Variants in CTNNA3 observed in about 807,000 individuals in gnomAD.
The protein encoded by CTNNA3 is catenin alpha-3.
CTNNA3 carries 76 observed loss-of-function variants against 95.7 expected under a neutral mutation model. The ratio of observed to expected loss-of-function variants is 0.79; its 90% CI spans 0.66 to 0.96. The LOEUF is 0.96. Ranked by LOEUF, CTNNA3 falls within the 40% of genes least tolerant of loss-of-function variation. CTNNA3 has a pLI of 0.00. For synonymous variants in CTNNA3, 431 were observed against 374.4 expected (o/e 1.15, Z -1.74); for missense variants, 1,191 against 1,089.8 (o/e 1.09, Z -1.31).
chr10:66,644,284 GTCTGTCTGTCTC>G lies in CTNNA3; in HGVS notation c.1282-22512_1282-22501del, dbSNP rs556801999. 2.8e-4 allele frequency among the ~76,000 whole-genome samples: 27 copies of G among 95,596 alleles called. No homozygotes were observed. The East Asian group carries it at 6.1e-3, about 22-fold the overall frequency. The allele number at this position is 95,596 out of a possible 152,430, so 62.7% of individuals were successfully genotyped here. ...TCTCTGTCTGTCTGTCTGTCTGTCT[GTCTGTCTGTCTC>G]TCTCTCTCTCTATATATATATATAT... On this transcript the variant is annotated intron_variant, in intron 9 of 17. Coordinates refer to ENST00000433211, the MANE Select transcript of CTNNA3 (RefSeq NM_013266.4).
intron 13 of CTNNA3, among the ~76,000 whole-genome samples, chr10:66,210,359 T>C (rs1276672053): frequency 6.6e-6 from 1 of 151,428 alleles, no homozygotes; most frequent in Admixed American, 6.6e-5. Flanking sequence ...CTTTGCTTAC[T>C]CTAAATAATT....
intron 5 of CTNNA3, among the ~76,000 whole-genome samples, chr10:67,226,773 T>C (rs1195922856): frequency 6.6e-6 from 1 of 152,138 alleles, no homozygotes; most frequent in African/African-American, 2.4e-5. Flanking sequence ...ACAGAACCTC[T>C]TTAAAGCAGA....
At chr10:66,998,194 T>C (rs1674954826) in intron 7 of CTNNA3, among the ~76,000 whole-genome samples, 1 of 152,246 alleles carries the variant, frequency 6.6e-6, no homozygotes. Context: ...ACCAGATTTA[T>C]GTCTCATCTA....
chr10:66,645,980 C>G (rs1441560347), intron 9 of CTNNA3, among the ~76,000 whole-genome samples: 1 of 152,148 alleles, frequency 6.6e-6, no homozygotes, highest in Non-Finnish European at 1.5e-5. Context: ...AACTTAATAT[C>G]AGGTAGAGTA....
intron 11 of CTNNA3, among the ~76,000 whole-genome samples, chr10:66,509,243 C>A (rs1037304289): frequency 6.6e-6 from 1 of 151,890 alleles, no homozygotes; most frequent in African/African-American, 2.4e-5. Context: ...ATTATTGTTT[C>A]TGTGCTGTTG....
At chr10:65,941,097 T>A (rs912014231) in intron 17 of CTNNA3, among the ~76,000 whole-genome samples, 12 of 152,234 alleles carry the variant, frequency 7.9e-5, no homozygotes, top group African/African-American at 2.7e-4. Flanking sequence ...ATAGTTCAAA[T>A]GCACAGTAAG....
intron 7 of CTNNA3, among the ~76,000 whole-genome samples, chr10:67,121,686 G>A (rs1859467910): frequency 6.6e-6 from 1 of 151,870 alleles, no homozygotes; most frequent in Non-Finnish European, 1.5e-5. Context: ...AGAGGGTCAA[G>A]CAAGTACTGG....
At chr10:66,924,605 T>C (rs1846961793) in intron 7 of CTNNA3, among the ~76,000 whole-genome samples, 1 of 152,222 alleles carries the variant, frequency 6.6e-6, no homozygotes, top group Non-Finnish European at 1.5e-5. Context: ...ATCCACCATG[T>C]ACAATATTTA....
chr10:66,283,233 C>A (rs769906854), intron 12 of CTNNA3, among the ~76,000 whole-genome samples: 8 of 151,732 alleles, frequency 5.3e-5, no homozygotes, highest in African/African-American at 1.2e-4. Context: ...TCTATTCACT[C>A]CAAAGACATA....
At chr10:67,061,970 A>G (rs933052734) in intron 7 of CTNNA3, among the ~76,000 whole-genome samples, 3 of 152,164 alleles carry the variant, frequency 2.0e-5, no homozygotes, top group Admixed American at 2.0e-4. Flanking sequence ...CAATCTTAGG[A>G]AATAGCCACC....
chr10:67,706,588 C>G (rs1427983567), intron 1 of CTNNA3, among the ~76,000 whole-genome samples: 1 of 152,038 alleles, frequency 6.6e-6, no homozygotes, highest in African/African-American at 2.4e-5. Flanking sequence ...GGGAGGACAT[C>G]TGGTCAGTGC....
intron 7 of CTNNA3, among the ~76,000 whole-genome samples, chr10:66,978,751 A>C (rs983701836): frequency 4.8e-5 from 7 of 144,570 alleles, no homozygotes; most frequent in Non-Finnish European, 7.7e-5. Flanking sequence ...TATTTTATAA[A>C]GGATTTTTAT....
chr10:67,497,542 C>T (rs1461760809), intron 5 of CTNNA3, among the ~76,000 whole-genome samples: 5 of 152,138 alleles, frequency 3.3e-5, no homozygotes, highest in Non-Finnish European at 7.3e-5. Flanking sequence ...AGTTTACATA[C>T]CCATCAACAG....
chr10:65,944,912 A>T (rs945517369), intron 17 of CTNNA3, among the ~76,000 whole-genome samples: 1 of 149,944 alleles, frequency 6.7e-6, no homozygotes, highest in African/African-American at 2.5e-5. Flanking sequence ...TCTATCTATC[A>T]TCTATTTATC....
At position 65,914,099 on chromosome 10, in the gene CTNNA3, G is replaced by A. The variant is rs2076978179; in HGVS notation, c.*6231C>T. ...CTTTGGAACTGGGAATATTTCATTTGAAATGAAAACACAAGAACTACTCTG... is the reference window on the plus strand; with the variant it reads ...CTTTGGAACTGGGAATATTTCATTTAAAATGAAAACACAAGAACTACTCTG... On this transcript the variant is annotated 3_prime_UTR_variant, in exon 18 of 18. Coordinates refer to ENST00000433211, the MANE Select transcript of CTNNA3 (RefSeq NM_013266.4). 6.6e-6 allele frequency: 1 copy of A among 152,238 alleles called. No individual in the cohort carries two copies. Among genetic ancestry groups the A allele is most frequent in the South Asian group, 2.1e-4 (1 of 4,814 alleles). The allele number at this position is 152,238 out of a possible 1,614,324, so 9.4% of individuals were successfully genotyped here.
intron 10 of CTNNA3, among the ~76,000 whole-genome samples, chr10:66,545,912 G>T (rs868452163): frequency 6.6e-6 from 1 of 150,442 alleles, no homozygotes; most frequent in African/African-American, 2.4e-5. Context: ...AAACATATAC[G>T]TATGTTTTAT....
rs144423189 is a variant in CTNNA3 at position 65,937,920 on chromosome 10, A to G, written c.2401-17303T>C. On this transcript the variant is annotated intron_variant, in intron 17 of 17. Coordinates refer to ENST00000433211, the MANE Select transcript of CTNNA3 (RefSeq NM_013266.4). The stretch of plus-strand genomic sequence containing the variant: ...AAGGAAGGAGTGAGAGAAGAATGCT[A>G]CCTTAATCAAAACAGGTTCAGATGG... Among the ~76,000 whole-genome samples, 12 of 152,256 alleles carry G rather than the reference A, an allele frequency of 7.9e-5. No individual in the cohort carries two copies. The East Asian group carries it at 1.9e-3, about 25-fold the overall frequency.
chr10:67,152,623 A>C (rs540333767), intron 7 of CTNNA3, among the ~76,000 whole-genome samples: 24 of 152,314 alleles, frequency 1.6e-4, no homozygotes, highest in South Asian at 6.2e-4. Context: ...TCCCAGTATT[A>C]TAATTACACA....
At position 67,335,889 on chromosome 10, in the gene CTNNA3, T is replaced by TTG. The variant is rs1403940456; in HGVS notation, c.580-116020_580-116019insCA. 5.6e-3 allele frequency among the ~76,000 whole-genome samples: 853 copies of TTG among 152,102 alleles called. 5 individuals carry two copies. Among genetic ancestry groups the TTG allele is most frequent in the African/African-American group, 0.02 (810 of 41,488 alleles). On this transcript the variant is annotated intron_variant, in intron 5 of 17. Coordinates refer to ENST00000433211, the MANE Select transcript of CTNNA3 (RefSeq NM_013266.4). ...TTTATGGCACCTCACAAATAGTGTT[T>TTG]TTTTTTTTTTTTACAAATTGAAGGT...
Sources: gnomAD v4.1 joint callset for allele counts (sites outside exome capture counted in the v4.1 genomes callset) on GRCh38, gnomAD v4.1.1 for gene constraint, MANE v1.5 for transcripts, NCBI Gene and HGNC (gene_info 2026-07-23, HGNC 2026-07-21) for gene names.